The following TNNI3K variants were observed in gnomAD, a reference collection of about 807,000 sequenced individuals.
The protein encoded by TNNI3K is serine/threonine-protein kinase TNNI3K.
In TNNI3K, 140 loss-of-function variants were observed where a neutral mutation model predicts 114.5. That is an observed-to-expected ratio of 1.22 (90% CI 1.07 to 1.41). The LOEUF is 1.41. Ranked by LOEUF, TNNI3K falls within the 40% of genes most tolerant of loss-of-function variation. TNNI3K has a pLI of 0.00. For missense variants in TNNI3K, 1,125 were observed against 1,007.6 expected, an observed-to-expected ratio of 1.12 and a Z score of -1.58; for synonymous variants, 347 against 347.5, an observed-to-expected ratio of 1.00 and a Z score of 0.02.
chr1:74,490,063 A>C (rs1199258612), intron 22 of TNNI3K, among the ~76,000 whole-genome samples: 3 of 150,830 alleles, frequency 2.0e-5, no homozygotes, highest in African/African-American at 7.3e-5. Flanking sequence ...AAAAAAAAAA[A>C]AAAAAAAAAA....
At chr1:74,487,320 T>C (rs1009099656) in intron 21 of TNNI3K, among the ~76,000 whole-genome samples, 8 of 152,128 alleles carry the variant, frequency 5.3e-5, no homozygotes, top group Non-Finnish European at 1.0e-4. Flanking sequence ...ATTATGTAGG[T>C]CATAGGTGAG....
chr1:74,475,823 G>C (rs1255492901), intron 21 of TNNI3K: 2 of 574,794 alleles, frequency 3.5e-6, no homozygotes, highest in East Asian at 2.8e-5. Flanking sequence ...ATGACAAATA[G>C]AGAGACCATT....
intron 21 of TNNI3K, among the ~76,000 whole-genome samples, chr1:74,465,446 G>T (rs1009737673): frequency 2.0e-5 from 3 of 152,190 alleles, no homozygotes; most frequent in Non-Finnish European, 4.4e-5. Context: ...AACACTGCTG[G>T]CCCGCCCGCA....
chr1:74,246,587 A>G (rs1290619342), intron 2 of TNNI3K, among the ~76,000 whole-genome samples: 1 of 152,222 alleles, frequency 6.6e-6, no homozygotes, highest in Non-Finnish European at 1.5e-5. Context: ...AAGAAAAAAA[A>G]ACAAAGTATT....
At chr1:74,397,201 C>CAG (rs34456578) in intron 17 of TNNI3K, among the ~76,000 whole-genome samples, 90,980 of 150,824 alleles carry the variant, frequency 0.6, 31,549 homozygotes, top group East Asian at 0.83. Context: ...AACATGATGA[C>CAG]AGAGAGAGAG....
intron 23 of TNNI3K, among the ~76,000 whole-genome samples, chr1:74,513,883 C>T (rs1252654598): frequency 6.6e-6 from 1 of 152,142 alleles, no homozygotes; most frequent in African/African-American, 2.4e-5. Flanking sequence ...AAGCCACAAC[C>T]GCATCTGCAA....
At chr1:74,414,264 C>A (rs182231256) in intron 17 of TNNI3K, among the ~76,000 whole-genome samples, 49 of 152,146 alleles carry the variant, frequency 3.2e-4, no homozygotes, top group African/African-American at 1.2e-3. Flanking sequence ...AAAATTTATA[C>A]CTTGACATTG....
intron 4 of TNNI3K, among the ~76,000 whole-genome samples, chr1:74,255,191 A>G (rs893150675): frequency 3.9e-5 from 6 of 151,964 alleles, no homozygotes; most frequent in Admixed American, 6.6e-5. Context: ...CGTCTCTACT[A>G]AAAATACAAA....
At chr1:74,493,942 A>T (rs1368442618) in intron 23 of TNNI3K, among the ~76,000 whole-genome samples, 1 of 152,200 alleles carries the variant, frequency 6.6e-6, no homozygotes, top group Non-Finnish European at 1.5e-5. Flanking sequence ...ATATGGCAAA[A>T]GGCATGGGTA....
At chr1:74,359,359 C>A (rs1231164378) in intron 11 of TNNI3K, among the ~76,000 whole-genome samples, 1 of 151,968 alleles carries the variant, frequency 6.6e-6, no homozygotes, top group African/African-American at 2.4e-5. Flanking sequence ...ATCCACATAA[C>A]TCCCAAATTT....
intron 16 of TNNI3K, 157 bp downstream of exon 16, chr1:74,369,742 A>C (rs1662495698): frequency 1.2e-6 from 1 of 804,198 alleles, no homozygotes; most frequent in African/African-American, 1.8e-5. Context: ...TTTATGCCTA[A>C]TAACTGTGTT....
intron 20 of TNNI3K, among the ~76,000 whole-genome samples, chr1:74,441,816 C>A (rs1307508113): frequency 1.3e-5 from 2 of 151,996 alleles, no homozygotes; most frequent in Non-Finnish European, 2.9e-5. Context: ...ATAGTCTCAT[C>A]ATTTAGTTGT....
chr1:74,260,212 A>G (rs1183043688), intron 4 of TNNI3K, among the ~76,000 whole-genome samples: 2 of 152,094 alleles, frequency 1.3e-5, no homozygotes, highest in Non-Finnish European at 2.9e-5. Flanking sequence ...TTATTTATTT[A>G]TTTGCATATT....
chr1:74,324,534 G>T (rs1659797174), intron 5 of TNNI3K, among the ~76,000 whole-genome samples: 2 of 152,138 alleles, frequency 1.3e-5, no homozygotes, highest in African/African-American at 4.8e-5. Context: ...AAGACAAAAA[G>T]AAGCATGTGT....
At chr1:74,253,162 T>A (rs115754902) in intron 4 of TNNI3K, among the ~76,000 whole-genome samples, 4,335 of 152,236 alleles carry the variant, frequency 0.028, 80 homozygotes, top group Non-Finnish European at 0.045. Context: ...GCTGATGGTG[T>A]GTTTACAAAC....
chr1:74,283,064 A>T (rs1657110676), intron 5 of TNNI3K, among the ~76,000 whole-genome samples: 1 of 152,210 alleles, frequency 6.6e-6, no homozygotes, highest in Admixed American at 6.5e-5. Context: ...TTTTGTAGTC[A>T]TGTGCAGTTC....
chr1:74,314,741 T>C (rs1005068053), intron 5 of TNNI3K, among the ~76,000 whole-genome samples: 1 of 152,150 alleles, frequency 6.6e-6, no homozygotes, highest in Non-Finnish European at 1.5e-5. Context: ...TGAAAAAATA[T>C]ATATGTAATT....
At chr1:74,362,657 C>A (rs1662029915) in intron 11 of TNNI3K, among the ~76,000 whole-genome samples, 1 of 152,104 alleles carries the variant, frequency 6.6e-6, no homozygotes, top group African/African-American at 2.4e-5. Context: ...AGATATTAAA[C>A]TGTCTTTGTA....
At chr1:74,405,539 G>T (rs1424734377) in intron 17 of TNNI3K, among the ~76,000 whole-genome samples, 1 of 152,120 alleles carries the variant, frequency 6.6e-6, no homozygotes, top group African/African-American at 2.4e-5. Context: ...AACTAGAGAG[G>T]TTTTTAAAAC....
Sources: gnomAD v4.1 joint callset for allele counts (sites outside exome capture counted in the v4.1 genomes callset) on GRCh38, gnomAD v4.1.1 for gene constraint, MANE v1.5 for transcripts, NCBI Gene and HGNC (gene_info 2026-07-23, HGNC 2026-07-21) for gene names.